Variants in POLI observed in about 807,000 individuals in gnomAD.
The protein encoded by POLI is DNA polymerase iota, also known as RAD30 homolog B.
A neutral mutation model predicts 51.6 loss-of-function variants in POLI; 58 were observed. The ratio of observed to expected loss-of-function variants is 1.12; its 90% confidence interval spans 0.91 to 1.40. The LOEUF (loss-of-function observed/expected upper bound fraction) is 1.40, where lower values mean the gene tolerates loss of function less well. Ranked by LOEUF, POLI falls within the 40% of genes most tolerant of loss-of-function variation. The pLI is 0.00. For synonymous variants in POLI, 322 were observed against 299.7 expected (o/e 1.07, Z -0.77); for missense variants, 921 against 871.3 (o/e 1.06, Z -0.72).
rs1222065447 is a variant in POLI at position 54,295,479 on chromosome 18, TCC to T, written c.*1014_*1015del. 6 of 958,518 alleles carry T rather than the reference TCC, an allele frequency of 6.3e-6. No individual in the cohort carries two copies. The highest frequency in any genetic ancestry group is 7.4e-6 in the Non-Finnish European group (6 of 805,560). 59.4% of individuals were successfully genotyped at this position (958,518 alleles called of 1,614,324 possible). On this transcript the variant is annotated 3_prime_UTR_variant, in exon 10 of 10. Transcript: ENST00000579534. ...GATGTTTATAGAATATACTAAAGTA[TCC>T]CTCAGCACCAATATGGGAGTATCCT...
chr18:54,315,983 A>G (rs1402920415), intron 3 of POLI, among the ~76,000 whole-genome samples: 1 of 151,640 alleles, frequency 6.6e-6, no homozygotes, highest in East Asian at 1.9e-4. Context: ...TGCTGTGCTT[A>G]TAGCTCACTG....
intron 6 of POLI, among the ~76,000 whole-genome samples, chr18:54,283,287 A>G (rs1011031483): frequency 1.3e-5 from 2 of 152,182 alleles, no homozygotes; most frequent in African/African-American, 4.8e-5. Flanking sequence ...ATGAGGCAAA[A>G]TATTTTAATC....
At chr18:54,300,174 G>A (rs1449170655), downstream of POLI, among the ~76,000 whole-genome samples, 1 of 151,980 alleles carries the variant, frequency 6.6e-6, no homozygotes, top group Non-Finnish European at 1.5e-5. Context: ...ATATTTAAAA[G>A]CTTTTTTTGT....
rs748000019 is a variant in POLI, at chr18:54,280,745, AT to A, written c.639del (p.Tyr213Ter). 1 of 1,613,930 alleles carries A rather than the reference AT, an allele frequency of 6.2e-7. No homozygotes were observed. Among genetic ancestry groups the A allele is most frequent in the South Asian group, 1.1e-5 (1 of 91,088 alleles). The stretch of plus-strand genomic sequence containing the variant: ...GCAGCAGAGATGCGGGAAGCCATGT[AT>A]AATCAGTTGGGGCTCACTGGCTGTG... Reference protein sequence around the residue: ...QIAAEMREAMYNQLGLTGCAG... With the variant: ...QIAAEMREAMXNQLGLTGCAG... On this transcript the variant is annotated frameshift_variant, in exon 5 of 10. Transcript: ENST00000579534. LOFTEE classifies it high-confidence loss of function.
chr18:54,274,054 C>G lies in POLI; in HGVS notation c.370C>G (p.Leu124Val). The change falls in exon 3 of 10, where the codon CTG becomes GTG. Residue 124 changes from leucine to valine, a missense_variant. Leu to Val is a conservative substitution (Grantham distance 32, BLOSUM62 1). Transcript: ENST00000579534. The stretch of plus-strand genomic sequence containing the variant: ...GTTGGTATTAGTTAATGGAGAAGAC[C>G]TGACCCGCTACAGAGAAATGTCTTA... ...PQLVLVNGED[L>V]TRYREMSYKV... 1.3e-6 allele frequency: 2 copies of G among 1,517,832 alleles called. No homozygotes were observed. Among genetic ancestry groups the G allele is most frequent in the Non-Finnish European group, 8.9e-7 (1 of 1,129,904 alleles). 94.0% of individuals were successfully genotyped at this position (1,517,832 alleles called of 1,614,324 possible).
intron 3 of POLI, among the ~76,000 whole-genome samples, chr18:54,315,592 C>G (rs930141941): frequency 2.0e-5 from 3 of 152,084 alleles, no homozygotes; most frequent in African/African-American, 7.2e-5. Context: ...GTGGCTAAGT[C>G]TTTTTGTAGG....
chr18:54,273,338 T>G (rs1490247969), intron 2 of POLI, among the ~76,000 whole-genome samples: 1 of 151,428 alleles, frequency 6.6e-6, no homozygotes, highest in African/African-American at 2.4e-5. Context: ...AGAAGTTGAG[T>G]TTTTCTAGCA....
upstream of POLI, chr18:54,269,486 C>T (rs2086896913): frequency 2.0e-6 from 3 of 1,486,300 alleles, no homozygotes; most frequent in Non-Finnish European, 2.7e-6. Flanking sequence ...TGTAGTCCCC[C>T]GGTTTCCCTG....
At chr18:54,283,887 GT>G in intron 6 of POLI, 34 bp from the exon 7 acceptor site, 1 of 768,282 alleles carries the variant, frequency 1.3e-6, no homozygotes. Flanking sequence ...AGTTATTTGA[GT>G]TTGTGCTAAT....
Position 54,313,962 on chromosome 18 carries a change from C to A in POLI, c.334-6311C>A, listed in dbSNP as rs79235510. On this transcript the variant is annotated intron_variant, in intron 3 of 4. Transcript: ENST00000579823. ...TTTATTCCTTTCTCTTCCTTGATTG[C>A]TGTGGCCAGGATTTCCAGTACTGTT... 9.7e-3 allele frequency among the ~76,000 whole-genome samples: 1,477 copies of A among 152,254 alleles called. 15 individuals carry two copies. Among genetic ancestry groups the A allele is most frequent in the African/African-American group, 0.031 (1,302 of 41,550 alleles).
chr18:54,277,538 G>GA (rs956040181), intron 3 of POLI, among the ~76,000 whole-genome samples, 165 bp from the exon 4 acceptor site: 99 of 152,148 alleles, frequency 6.5e-4, no homozygotes, highest in African/African-American at 2.3e-3. Context: ...ATGTGGTACA[G>GA]AAAAAACGTC....
chr18:54,297,632 G>A lies in POLI; in HGVS notation c.*3165G>A. On this transcript the variant is annotated 3_prime_UTR_variant, in exon 10 of 10. Coordinates refer to ENST00000579534, the MANE Select transcript of POLI (RefSeq NM_007195.3). ...TCTCTCCTCCTATCTTTTGGGATCA[G>A]TTGGGTTTTCTATTTAATCATATAT... 3.1e-6 allele frequency: 3 copies of A among 981,376 alleles called. No individual in the cohort carries two copies. The highest frequency in any genetic ancestry group is 3.6e-6 in the Non-Finnish European group (3 of 826,302). The allele number at this position is 981,376 out of a possible 1,614,324, so 60.8% of individuals were successfully genotyped here.
chr18:54,319,905 AG>A (rs1306380450), intron 3 of POLI, among the ~76,000 whole-genome samples: 3 of 152,184 alleles, frequency 2.0e-5, no homozygotes, highest in Non-Finnish European at 4.4e-5. Context: ...TCTGATTTCA[AG>A]ATTTTTATCT....
At position 54,295,148 on chromosome 18, in the gene POLI, T is replaced by G; in HGVS notation, c.*681T>G. The stretch of plus-strand genomic sequence containing the variant: ...GAACAGTGGTAGAAGGAACTCTCCG[T>G]GCAAGTAAATTAAGGGAAAGATGGA... On this transcript the variant is annotated 3_prime_UTR_variant, in exon 10 of 10. Coordinates refer to ENST00000579534, the MANE Select transcript of POLI (RefSeq NM_007195.3). The G allele has an allele frequency of 9.1e-6, 9 of 984,872 alleles. No individual in the cohort carries two copies. The highest frequency in any genetic ancestry group is 1.1e-5 in the Non-Finnish European group (9 of 829,736). 61.0% of individuals were successfully genotyped at this position (984,872 alleles called of 1,614,324 possible). A position where few individuals can be genotyped will look rare whatever the true frequency, so the allele number is the denominator to read the frequency against.
At chr18:54,281,050 G>C in intron 5 of POLI, 147 bp downstream of exon 5, 1 of 478,330 alleles carries the variant, frequency 2.1e-6, no homozygotes, top group Non-Finnish European at 3.6e-6. Context: ...TTGGTTCCTG[G>C]AAAAAACTAA....
Position 54,311,121 on chromosome 18 carries a change from C to T in POLI, c.334-9152C>T. 7.1e-6 allele frequency: 7 copies of T among 981,578 alleles called. 1 individual carries two copies. The South Asian group carries it at 3.3e-4, about 46-fold the overall frequency. The allele number at this position is 981,578 out of a possible 1,614,324, so 60.8% of individuals were successfully genotyped here. On this transcript the variant is annotated intron_variant, in intron 3 of 4. Coordinates refer to the POLI transcript ENST00000579823. ...AATTGAAGAAAGTGAAATCAGTATG[C>T]TGCCACCCTGCCACTTCTTCTTGAA...
rs567066701 is a variant in POLI at position 54,283,029 on chromosome 18, C to T, written c.975+14C>T. On this transcript the variant is annotated intron_variant, in intron 6 of 9. Transcript: ENST00000579534. The stretch of plus-strand genomic sequence containing the variant: ...GGACCACCTCAGGTACATGATGATA[C>T]TTATTTTAATTAAGTACTGGTTATC... The T allele has an allele frequency of 3.3e-6, 5 of 1,531,806 alleles. No homozygotes were observed. The highest frequency in any genetic ancestry group is 1.4e-5 in the African/African-American group (1 of 72,988). 94.9% of individuals were successfully genotyped at this position (1,531,806 alleles called of 1,614,324 possible).
intron 7 of POLI, among the ~76,000 whole-genome samples, chr18:54,285,509 A>T (rs1239304100): frequency 6.9e-6 from 1 of 144,160 alleles, no homozygotes; most frequent in African/African-American, 2.6e-5. Flanking sequence ...TTGCAAAAAA[A>T]AAAATTACAG....
At chr18:54,282,794 G>A in intron 5 of POLI, 43 bp from the exon 6 acceptor site, 2 of 1,061,040 alleles carry the variant, frequency 1.9e-6, no homozygotes, top group Non-Finnish European at 2.7e-6. Flanking sequence ...TTGTTTTAAG[G>A]AGAAAAGCTA....
Sources: allele counts gnomAD v4.1 joint callset (sites outside exome capture counted in the v4.1 genomes callset), GRCh38; gene constraint gnomAD v4.1.1; transcripts MANE v1.5; gene names NCBI Gene and HGNC (gene_info 2026-07-23, HGNC 2026-07-21).